Variants in RPRD1A observed in about 807,000 individuals in gnomAD.
The protein encoded by RPRD1A is regulation of nuclear pre-mRNA domain containing 1A, also known as regulation of nuclear pre-mRNA domain-containing protein 1A.
In RPRD1A, 9 loss-of-function variants were observed where a neutral mutation model predicts 37.8. That is an observed-to-expected ratio of 0.24 (90% CI 0.14 to 0.42). RPRD1A has a LOEUF of 0.42. RPRD1A is among the 10% of genes least tolerant of loss of function. RPRD1A has a pLI of 1.00. For synonymous variants in RPRD1A, 138 were observed against 139.7 expected (o/e 0.99, Z 0.08); for missense variants, 255 against 371.0 (o/e 0.69, Z 2.57).
intron 1 of RPRD1A, among the ~76,000 whole-genome samples, chr18:36,050,711 A>ATTT (rs143538995): frequency 2.8e-5 from 4 of 143,260 alleles, no homozygotes; most frequent in African/African-American, 7.7e-5. Context: ...TAATTTTTGT[A>ATTT]TTTTTTTTTT....
At chr18:36,035,463 A>C (rs760197062) in intron 1 of RPRD1A, among the ~76,000 whole-genome samples, 1 of 152,224 alleles carries the variant, frequency 6.6e-6, no homozygotes, top group African/African-American at 2.4e-5. Flanking sequence ...AATGAGGAAG[A>C]GATAAGCCAG....
intron 1 of RPRD1A, 72 bp from the exon 2 acceptor site, chr18:36,033,909 T>C: frequency 1.5e-6 from 2 of 1,321,854 alleles, no homozygotes; most frequent in South Asian, 1.4e-5. Flanking sequence ...AATACCTAAA[T>C]TAAGCATTTT....
At chr18:36,020,187 A>G (rs1910898146) in intron 6 of RPRD1A, among the ~76,000 whole-genome samples, 1 of 152,206 alleles carries the variant, frequency 6.6e-6, no homozygotes, top group African/African-American at 2.4e-5. Flanking sequence ...CAGTCTCCTT[A>G]ATATGTAATG....
intron 4 of RPRD1A, chr18:36,027,954 T>A (rs1164150166): frequency 1.3e-5 from 2 of 152,158 alleles, no homozygotes; most frequent in African/African-American, 4.8e-5. Context: ...ACTGAAATTA[T>A]TTTATCATTA....
At chr18:36,010,408 G>C (rs1246218872) in intron 6 of RPRD1A, among the ~76,000 whole-genome samples, 1 of 152,142 alleles carries the variant, frequency 6.6e-6, no homozygotes. Context: ...TGGGAGGATT[G>C]CTTGAGCCCA....
chr18:36,056,606 T>C (rs1913787922), intron 1 of RPRD1A, among the ~76,000 whole-genome samples: 1 of 151,902 alleles, frequency 6.6e-6, no homozygotes, highest in African/African-American at 2.4e-5. Context: ...CTTTTAAATT[T>C]CATATTATTT....
chr18:36,041,688 G>A (rs8099425), intron 1 of RPRD1A, among the ~76,000 whole-genome samples: 1,718 of 152,260 alleles, frequency 0.011, 34 homozygotes, highest in African/African-American at 0.039. Context: ...TTTTCCTTCC[G>A]CCTGTGGCAT....
chr18:36,047,158 C>T (rs1913018610), intron 1 of RPRD1A, among the ~76,000 whole-genome samples: 4 of 151,900 alleles, frequency 2.6e-5, no homozygotes, highest in South Asian at 2.1e-4. Context: ...CAGTGAGCTG[C>T]GATCACATCA....
intron 6 of RPRD1A, among the ~76,000 whole-genome samples, chr18:35,999,384 G>A (rs1909282754): frequency 6.6e-6 from 1 of 152,112 alleles, no homozygotes; most frequent in African/African-American, 2.4e-5. Context: ...TTATGTGGAA[G>A]TTTTCAAATT....
chr18:36,017,631 C>A (rs1428698735), intron 6 of RPRD1A, among the ~76,000 whole-genome samples: 2 of 152,222 alleles, frequency 1.3e-5, no homozygotes, highest in African/African-American at 4.8e-5. Flanking sequence ...AGGACTTCGT[C>A]TCAAGAAAGC....
At chr18:36,021,831 C>T (rs371135042) in intron 6 of RPRD1A, among the ~76,000 whole-genome samples, 2 of 152,216 alleles carry the variant, frequency 1.3e-5, no homozygotes, top group African/African-American at 4.8e-5. Context: ...GAGACCCTGT[C>T]TCTACAAAAA....
chr18:36,065,192 C>G (rs2089003961), intron 1 of RPRD1A, among the ~76,000 whole-genome samples: 1 of 152,240 alleles, frequency 6.6e-6, no homozygotes, highest in South Asian at 2.1e-4. Flanking sequence ...CAACCACTAT[C>G]TTGGAATATG....
In RPRD1A at chr18:36,065,777, G is replaced by A. The variant is rs77344849; in HGVS notation, c.151+1477C>T. Among the ~76,000 whole-genome samples, 1,499 of 152,176 alleles carry A rather than the reference G, an allele frequency of 9.9e-3. 25 individuals carry two copies. Among genetic ancestry groups the A allele is most frequent in the African/African-American group, 0.034 (1,424 of 41,502 alleles). On this transcript the variant is annotated intron_variant, in intron 1 of 6. Coordinates refer to ENST00000399022, the MANE Select transcript of RPRD1A (RefSeq NM_018170.5). ...TTGCCAAATTGATGAACATAAAGTG[G>A]TACCTCACTGGCTTACTTTTTCCTG...
intron 6 of RPRD1A, among the ~76,000 whole-genome samples, chr18:36,014,013 A>AT (rs766002651): frequency 2.6e-5 from 4 of 152,064 alleles, no homozygotes; most frequent in Non-Finnish European, 5.9e-5. Context: ...TCTTCCTGTG[A>AT]TTTTTGGTAC....
At chr18:36,017,697 T>C (rs553202996) in intron 6 of RPRD1A, among the ~76,000 whole-genome samples, 5 of 152,366 alleles carry the variant, frequency 3.3e-5, no homozygotes, top group African/African-American at 4.8e-5. Context: ...AATGCCTCTC[T>C]TGACAGTAAT....
In RPRD1A at chr18:35,991,626, A is replaced by C. The variant is rs114328900; in HGVS notation, c.*1525T>G. On this transcript the variant is annotated 3_prime_UTR_variant, in exon 7 of 7. Coordinates refer to ENST00000399022, the MANE Select transcript of RPRD1A (RefSeq NM_018170.5). ...CACCCCAAGTCCCAAAAGTTGACTAAAAACTTTGGAATAAGCCATGTATTA... is the reference window on the plus strand; with the variant it reads ...CACCCCAAGTCCCAAAAGTTGACTACAAACTTTGGAATAAGCCATGTATTA... The C allele has an allele frequency of 3.4e-3, 524 of 152,324 alleles. 6 individuals carry two copies. The highest frequency in any genetic ancestry group is 0.012 in the African/African-American group (501 of 41,564). 9.4% of individuals were successfully genotyped at this position (152,324 alleles called of 1,614,324 possible). A position where few individuals can be genotyped will look rare whatever the true frequency, so the allele number is the denominator to read the frequency against.
intron 4 of RPRD1A, among the ~76,000 whole-genome samples, chr18:36,029,693 C>T (rs533631101): frequency 9.8e-4 from 146 of 149,700 alleles, no homozygotes; most frequent in Non-Finnish European, 1.7e-3. Context: ...ACCATACCAA[C>T]ATGTAGGAGG....
At chr18:35,994,522 G>A (rs1436877513) in intron 6 of RPRD1A, among the ~76,000 whole-genome samples, 1 of 152,178 alleles carries the variant, frequency 6.6e-6, no homozygotes, top group Non-Finnish European at 1.5e-5. Context: ...AATAATGAGG[G>A]TTCAGGCTTC....
intron 1 of RPRD1A, among the ~76,000 whole-genome samples, chr18:36,066,417 G>C (rs939316022): frequency 6.6e-6 from 1 of 152,194 alleles, no homozygotes; most frequent in Admixed American, 6.5e-5. Flanking sequence ...ATAATGAAGA[G>C]TGTCCACTCT....
Sources: gnomAD v4.1 joint callset for allele counts (sites outside exome capture counted in the v4.1 genomes callset) on GRCh38, gnomAD v4.1.1 for gene constraint, MANE v1.5 for transcripts, NCBI Gene and HGNC (gene_info 2026-07-23, HGNC 2026-07-21) for gene names.